TRPM3: variants seen among roughly 807,000 people sequenced by gnomAD.
TRPM3 encodes transient receptor potential cation channel subfamily M member 3.
A neutral mutation model predicts 181.2 loss-of-function variants in TRPM3; 77 were observed. The ratio of observed to expected loss-of-function variants is 0.42; its 90% confidence interval spans 0.35 to 0.51. TRPM3 has a LOEUF of 0.51. Among genes scored for constraint, TRPM3 ranks in the 20% least tolerant of loss-of-function variants. The pLI, the probability that TRPM3 is intolerant of heterozygous loss-of-function variation, is 0.01. For missense variants in TRPM3, 1,759 were observed against 2,196.7 expected (o/e 0.80, Z 3.98); for synonymous variants, 745 against 796.4 (o/e 0.94, Z 1.09).
chr9:71,392,503 G>T (rs960226501), intron 1 of TRPM3, among the ~76,000 whole-genome samples: 2 of 152,014 alleles, frequency 1.3e-5, no homozygotes, highest in Admixed American at 1.3e-4. Context: ...CCTTGGCTGG[G>T]TATTGGTTTT....
intron 1 of TRPM3, among the ~76,000 whole-genome samples, chr9:70,924,541 T>C (rs1237448700): frequency 6.6e-6 from 1 of 152,184 alleles, no homozygotes; most frequent in Non-Finnish European, 1.5e-5. Context: ...TCTAATGATT[T>C]TCTTTGGATG....
At chr9:71,434,940 T>A (rs1237104473) in intron 1 of TRPM3, among the ~76,000 whole-genome samples, 3 of 152,118 alleles carry the variant, frequency 2.0e-5, no homozygotes, top group Admixed American at 2.0e-4. Context: ...CTAATTATAA[T>A]GCAAACTTTC....
intron 9 of TRPM3, among the ~76,000 whole-genome samples, chr9:70,656,928 G>GTT (rs201245788): frequency 8.2e-6 from 1 of 121,734 alleles, no homozygotes; most frequent in South Asian, 2.7e-4. Context: ...AAAAAAAAGT[G>GTT]TTTTTTTTTT....
intron 1 of TRPM3, among the ~76,000 whole-genome samples, chr9:70,873,564 T>C (rs1185731036): frequency 1.3e-5 from 2 of 152,018 alleles, no homozygotes; most frequent in Non-Finnish European, 2.9e-5. Flanking sequence ...ACTCTGAATA[T>C]GTTGTCCCTT....
At chr9:71,399,103 C>T (rs1393361552) in intron 1 of TRPM3, among the ~76,000 whole-genome samples, 1 of 79,186 alleles carries the variant, frequency 1.3e-5, no homozygotes, top group Non-Finnish European at 2.4e-5. Context: ...AAAGATCTGC[C>T]TTCAAGAATC....
chr9:70,829,676 C>G (rs1306226684), intron 5 of TRPM3, among the ~76,000 whole-genome samples: 1 of 152,072 alleles, frequency 6.6e-6, no homozygotes, highest in African/African-American at 2.4e-5. Flanking sequence ...TTAGTTGGCT[C>G]TTATTGATAA....
At chr9:70,545,429 A>C (rs1296271606) in intron 25 of TRPM3, among the ~76,000 whole-genome samples, 2 of 152,226 alleles carry the variant, frequency 1.3e-5, no homozygotes, top group African/African-American at 2.4e-5. Flanking sequence ...AAGCAGGATA[A>C]GCAATGAAAT....
chr9:71,117,147 G>C (rs2072575856), intron 1 of TRPM3, among the ~76,000 whole-genome samples: 1 of 152,120 alleles, frequency 6.6e-6, no homozygotes, highest in African/African-American at 2.4e-5. Flanking sequence ...TTTTGCCTTA[G>C]CCAGGTTCTC....
At chr9:71,234,237 A>C (rs1412181190) in intron 1 of TRPM3, among the ~76,000 whole-genome samples, 1 of 152,176 alleles carries the variant, frequency 6.6e-6, no homozygotes, top group Non-Finnish European at 1.5e-5. Flanking sequence ...TCTCCAGAGC[A>C]AGTGATCCAT....
chr9:70,609,228 G>A (rs1258655831), intron 19 of TRPM3, among the ~76,000 whole-genome samples: 1 of 152,176 alleles, frequency 6.6e-6, no homozygotes, highest in Admixed American at 6.5e-5. Context: ...TCCCACCCAG[G>A]CTGTCTGATT....
intron 1 of TRPM3, among the ~76,000 whole-genome samples, chr9:71,137,986 C>T (rs768406967): frequency 2.0e-5 from 3 of 151,850 alleles, no homozygotes; most frequent in Middle Eastern, 3.4e-3. Flanking sequence ...TGGTGGCAGG[C>T]GCCTGTAATC....
At chr9:70,985,467 G>A (rs532805742) in intron 1 of TRPM3, among the ~76,000 whole-genome samples, 5 of 152,314 alleles carry the variant, frequency 3.3e-5, no homozygotes, top group African/African-American at 1.2e-4. Context: ...CCCTGGGTAT[G>A]TATATTTCCA....
intron 25 of TRPM3, 125 bp from the exon 26 acceptor site, chr9:70,537,530 G>T: frequency 2.7e-6 from 2 of 739,244 alleles, no homozygotes; most frequent in Non-Finnish European, 3.8e-6. Context: ...CAGGTTACAG[G>T]TGTTGAGAGG....
intron 1 of TRPM3, among the ~76,000 whole-genome samples, chr9:70,938,901 T>C (rs1054899107): frequency 1.3e-5 from 2 of 150,412 alleles, no homozygotes; most frequent in African/African-American, 4.9e-5. Flanking sequence ...GAGCTTGCAG[T>C]GAGCCAAGAT....
chr9:71,416,810 G>C (rs2093643299), intron 1 of TRPM3, among the ~76,000 whole-genome samples: 1 of 151,876 alleles, frequency 6.6e-6, no homozygotes, highest in Non-Finnish European at 1.5e-5. Context: ...TATAACCCCA[G>C]GAAGTTTCCT....
intron 1 of TRPM3, among the ~76,000 whole-genome samples, chr9:71,007,503 C>A (rs1037252049): frequency 4.0e-5 from 6 of 151,810 alleles, no homozygotes; most frequent in Non-Finnish European, 8.8e-5. Flanking sequence ...AAAAAAAAAT[C>A]AAACTCATAT....
At chr9:70,846,894 T>A (rs2094980773) in intron 3 of TRPM3, among the ~76,000 whole-genome samples, 1 of 152,206 alleles carries the variant, frequency 6.6e-6, no homozygotes, top group Admixed American at 6.5e-5. Context: ...ATTTTTATAT[T>A]TCACCACCCT....
chr9:71,069,895 A>G (rs2062502563), intron 1 of TRPM3, among the ~76,000 whole-genome samples: 2 of 151,394 alleles, frequency 1.3e-5, no homozygotes, highest in African/African-American at 2.4e-5. Context: ...GGCGTGAGCC[A>G]CAGTGCCCAG....
intron 1 of TRPM3, among the ~76,000 whole-genome samples, chr9:71,058,794 T>C (rs934033797): frequency 2.0e-5 from 3 of 151,974 alleles, no homozygotes; most frequent in Non-Finnish European, 2.9e-5. Context: ...TAATAAACAG[T>C]TGAGTTTCAG....
Sources: allele counts gnomAD v4.1 joint callset (sites outside exome capture counted in the v4.1 genomes callset), GRCh38; gene constraint gnomAD v4.1.1; transcripts MANE v1.5; gene names NCBI Gene and HGNC (gene_info 2026-07-23, HGNC 2026-07-21).